Variants in ANGPT2 observed in about 807,000 individuals in gnomAD.
ANGPT2 encodes the protein angiopoietin-2.
In ANGPT2, 28 loss-of-function variants were observed where a neutral mutation model predicts 62.9. That is an observed-to-expected ratio of 0.44 (90% CI 0.33 to 0.61). The LOEUF is 0.61. ANGPT2 is among the 20% of genes least tolerant of loss of function. The pLI is 0.03. For missense variants in ANGPT2, 727 were observed against 594.9 expected (o/e 1.22, Z -2.31); for synonymous variants, 284 against 207.8 (o/e 1.37, Z -3.15).
At chr8:6,510,913 G>A (rs928864396) in intron 7 of ANGPT2, among the ~76,000 whole-genome samples, 26 of 152,176 alleles carry the variant, frequency 1.7e-4, no homozygotes, top group African/African-American at 4.1e-4. Context: ...GAGACTGGCC[G>A]TAGCTCAGTC....
At chr8:6,532,537 C>A in intron 1 of ANGPT2, 50 bp from the exon 2 acceptor site, 2 of 1,408,164 alleles carry the variant, frequency 1.4e-6, no homozygotes, top group Non-Finnish European at 1.9e-6. Context: ...TGACCGGAAA[C>A]CTGATTCCTA....
At chr8:6,522,364 GA>G (rs146836237) in intron 3 of ANGPT2, among the ~76,000 whole-genome samples, 12,987 of 146,954 alleles carry the variant, frequency 0.088, 711 homozygotes, top group African/African-American at 0.16. Context: ...CAAAAAAAAA[GA>G]AAAAAAAATG....
At chr8:6,522,379 A>G (rs1218332662) in intron 3 of ANGPT2, among the ~76,000 whole-genome samples, 1 of 151,394 alleles carries the variant, frequency 6.6e-6, no homozygotes, top group Non-Finnish European at 1.5e-5. Context: ...AAAAATGTAA[A>G]CGCTTAGACT....
At chr8:6,511,070 C>A (rs987842608) in intron 7 of ANGPT2, among the ~76,000 whole-genome samples, 4 of 152,198 alleles carry the variant, frequency 2.6e-5, no homozygotes, top group Non-Finnish European at 4.4e-5. Context: ...TTAACTCTCT[C>A]TTGTCTCCTT....
intron 3 of ANGPT2, among the ~76,000 whole-genome samples, chr8:6,522,611 T>G (rs1263698187): frequency 2.0e-5 from 3 of 151,264 alleles, no homozygotes; most frequent in East Asian, 2.0e-4. Flanking sequence ...CTCTCTCTAC[T>G]AAAAATACAA....
intron 4 of ANGPT2, 147 bp from the exon 5 acceptor site, chr8:6,520,138 A>G (rs1281082510): frequency 1.1e-6 from 1 of 870,292 alleles, no homozygotes; most frequent in African/African-American, 1.7e-5. Flanking sequence ...ACCTTTCTAG[A>G]AAGTTTCCTT....
chr8:6,515,267 G>C (rs1816031328), intron 5 of ANGPT2, among the ~76,000 whole-genome samples: 2 of 152,220 alleles, frequency 1.3e-5, no homozygotes, highest in Admixed American at 6.5e-5. Flanking sequence ...CATAGGGTTT[G>C]GAGGACTCCT....
Position 6,519,912 on chromosome 8 carries a change from C to T in ANGPT2, c.879G>A (p.Thr293=), listed in dbSNP as rs1961222. 488,521 of 1,612,220 alleles carry T rather than the reference C, an allele frequency of 0.3. 79,564 individuals are homozygous for T. The highest frequency in any genetic ancestry group is 0.36 in the Middle Eastern group (2,192 of 6,058). The change falls in exon 5 of 9, where the codon ACG becomes ACA. Residue 293 remains threonine (T), a synonymous_variant. Transcript: ENST00000629816. ...GGAATGTTAACGTGTAGATGCCATT[C>T]GTGGTGTGTCCTGATTTGAATACTT... ...CAEVFKSGHT[T]NGIYTLTFPN...
chr8:6,510,950 T>C (rs768689178), intron 7 of ANGPT2, among the ~76,000 whole-genome samples: 1 of 152,230 alleles, frequency 6.6e-6, no homozygotes, highest in Non-Finnish European at 1.5e-5. Context: ...AAAATGCTAA[T>C]GTCATAAATA....
chr8:6,525,025 G>C lies in ANGPT2; in HGVS notation c.566+2530C>G, dbSNP rs201852671. ...AAATAAAGCTCTATGTAAAATGAAG[G>C]CATTCGATTTCATGGCCTCTCGGGC... On this transcript the variant is annotated intron_variant, in intron 3 of 8. Transcript: ENST00000629816. 7.9e-5 allele frequency among the ~76,000 whole-genome samples: 12 copies of C among 152,312 alleles called. No homozygotes were observed. The East Asian group carries it at 1.5e-3, about 20-fold the overall frequency.
chr8:6,512,929 A>C (rs1451350311), intron 7 of ANGPT2, among the ~76,000 whole-genome samples: 1 of 152,202 alleles, frequency 6.6e-6, no homozygotes, highest in African/African-American at 2.4e-5. Context: ...ACTAATCTTG[A>C]CTTTGAGATT....
At position 6,506,903 on chromosome 8, in the gene ANGPT2, C is replaced by CT. The variant is rs1271721262; in HGVS notation, c.1327+2028dup. ...ATCCTCCTTTTGACTGTTAATGATG[C>CT]TTTTTTTTTTTGAGACGGAGTCTCA... is the stretch of plus-strand genomic sequence containing the variant. On this transcript the variant is annotated intron_variant, in intron 8 of 8. Transcript: ENST00000629816. Among the ~76,000 whole-genome samples, 216 of 142,980 alleles carry CT rather than the reference C, an allele frequency of 1.5e-3. 4 individuals are homozygous for CT. The highest frequency in any genetic ancestry group is 1.1e-3 in the South Asian group (5 of 4,462). The allele number at this position is 142,980 out of a possible 152,430, so 93.8% of individuals were successfully genotyped here.
rs1257773870 is a variant in ANGPT2, at chr8:6,501,084, A to C, written c.*2017T>G. ...GTTGTTGAATTCATAAAACCTTCTT[A>C]AATATAAAGTAGATACAGTTCTAAG... On this transcript the variant is annotated 3_prime_UTR_variant, in exon 9 of 9. Transcript: ENST00000629816. 2 of 152,214 alleles carry C rather than the reference A, an allele frequency of 1.3e-5. No homozygotes were observed. Among genetic ancestry groups the C allele is most frequent in the Non-Finnish European group, 2.9e-5 (2 of 68,036 alleles). The allele number at this position is 152,214 out of a possible 1,614,324, so 9.4% of individuals were successfully genotyped here.
At chr8:6,527,958 T>C (rs1371403348) in intron 2 of ANGPT2, among the ~76,000 whole-genome samples, 1 of 148,622 alleles carries the variant, frequency 6.7e-6, no homozygotes, top group Non-Finnish European at 1.5e-5. Context: ...TGCAGTGGCA[T>C]GATCTCGGCT....
chr8:6,535,130 C>T (rs11993450), intron 1 of ANGPT2, among the ~76,000 whole-genome samples: 2,933 of 152,230 alleles, frequency 0.019, 98 homozygotes, highest in African/African-American at 0.067. Flanking sequence ...GTCTTAACCT[C>T]CTTCTTGATT....
At chr8:6,511,855 A>G (rs1815182878) in intron 7 of ANGPT2, among the ~76,000 whole-genome samples, 1 of 152,114 alleles carries the variant, frequency 6.6e-6, no homozygotes, top group Non-Finnish European at 1.5e-5. Context: ...CCATTTTGTA[A>G]AAATCTTTTT....
Position 6,502,925 on chromosome 8 carries a change from T to C in ANGPT2, c.*176A>G. 1 of 677,610 alleles carries C rather than the reference T, an allele frequency of 1.5e-6. No individual in the cohort carries two copies. The highest frequency in any genetic ancestry group is 2.5e-6 in the Non-Finnish European group (1 of 407,604). 42.0% of individuals were successfully genotyped at this position (677,610 alleles called of 1,614,324 possible). On this transcript the variant is annotated 3_prime_UTR_variant, in exon 9 of 9. Transcript: ENST00000629816. The stretch of plus-strand genomic sequence containing the variant: ...GGTCTTGCTTTGGTCCGTTAAGTGA[T>C]GCAAGTTTAAGTGATAAAGTTTACA...
intron 8 of ANGPT2, among the ~76,000 whole-genome samples, chr8:6,503,767 C>T (rs73522611): frequency 0.015 from 2,340 of 152,198 alleles, 63 homozygotes; most frequent in African/African-American, 0.054. Flanking sequence ...GTTTCAGAGA[C>T]AAAAAGGAAA....
intron 1 of ANGPT2, among the ~76,000 whole-genome samples, chr8:6,550,630 G>A (rs1425276509): frequency 6.6e-6 from 1 of 152,168 alleles, no homozygotes; most frequent in African/African-American, 2.4e-5. Context: ...GAAGTCTGTC[G>A]GCCCTCCTGA....
Sources: allele counts gnomAD v4.1 joint callset (sites outside exome capture counted in the v4.1 genomes callset), GRCh38; gene constraint gnomAD v4.1.1; transcripts MANE v1.5; gene names NCBI Gene and HGNC (gene_info 2026-07-23, HGNC 2026-07-21).